Variants in STOX1 observed in about 807,000 individuals in gnomAD.
STOX1 encodes storkhead-box protein 1.
In STOX1, 57 loss-of-function variants were observed where a neutral mutation model predicts 74.8. The observed-to-expected ratio is 0.76, with a 90% confidence interval of 0.62 to 0.95. The LOEUF (loss-of-function observed/expected upper bound fraction) is 0.95. STOX1 is among the 40% of genes least tolerant of loss of function. The probability of loss-of-function intolerance (pLI) is 0.00; values close to 1 mark genes in which losing one functional copy is unlikely to be tolerated. For missense variants in STOX1, 1,010 were observed against 1,117.0 expected, an observed-to-expected ratio of 0.90 and a Z score of 1.37; for synonymous variants, 375 against 401.3, an observed-to-expected ratio of 0.93 and a Z score of 0.78.
chr10:68,885,040 G>T lies in STOX1; in HGVS notation c.1244G>T (p.Arg415Met). The T allele has an allele frequency of 6.2e-7, 1 of 1,614,124 alleles. No homozygotes were observed. The highest frequency in any genetic ancestry group is 8.5e-7 in the Non-Finnish European group (1 of 1,180,020). Residue 415 changes from arginine (R) to methionine (M), a missense_variant, in exon 3 of 4, where the codon AGG (arginine) becomes ATG (methionine). Coordinates refer to ENST00000298596, the MANE Select transcript of STOX1 (RefSeq NM_152709.5). The part of the protein sequence containing the change: ...KYPSKEGVKK[R>M]QGLSAKPQGQ... ...CCTTCAAAAGAGGGGGTTAAGAAAAGGCAGGGTCTGTCTGCAAAACCTCAA... is the reference window on the plus strand; with the variant it reads ...CCTTCAAAAGAGGGGGTTAAGAAAATGCAGGGTCTGTCTGCAAAACCTCAA...
intron 1 of STOX1, among the ~76,000 whole-genome samples, chr10:68,850,095 A>G (rs1265500952): frequency 6.6e-6 from 1 of 152,010 alleles, no homozygotes; most frequent in African/African-American, 2.4e-5. Context: ...GCTCACTACA[A>G]CCTCCACCTC....
chr10:68,834,532 A>G (rs1329390747), intron 1 of STOX1, among the ~76,000 whole-genome samples: 1 of 152,202 alleles, frequency 6.6e-6, no homozygotes, highest in Non-Finnish European at 1.5e-5. Flanking sequence ...GGAATTTTGT[A>G]GGTGAAATTT....
intron 1 of STOX1, among the ~76,000 whole-genome samples, chr10:68,879,181 C>T (rs1160885733): frequency 9.9e-5 from 15 of 152,160 alleles, no homozygotes; most frequent in Admixed American, 4.6e-4. Flanking sequence ...CATAAATCAC[C>T]TGGACTTAGG....
chr10:68,888,257 C>T (rs1345996112), intron 3 of STOX1, among the ~76,000 whole-genome samples: 4 of 152,026 alleles, frequency 2.6e-5, no homozygotes, highest in Middle Eastern at 3.4e-3. Context: ...CCCGCCACCA[C>T]GCCTGACTAA....
chr10:68,877,083 G>A (rs1292584373), intron 1 of STOX1, among the ~76,000 whole-genome samples: 1 of 152,200 alleles, frequency 6.6e-6, no homozygotes, highest in Non-Finnish European at 1.5e-5. Flanking sequence ...AGCAACGACT[G>A]TGAAGGAACT....
At chr10:68,829,614 G>T (rs367649006) in intron 1 of STOX1, among the ~76,000 whole-genome samples, 2 of 152,102 alleles carry the variant, frequency 1.3e-5, no homozygotes, top group African/African-American at 4.8e-5. Context: ...CTGACCCACC[G>T]ATAACTGTAT....
intron 1 of STOX1, among the ~76,000 whole-genome samples, chr10:68,859,172 T>A (rs1436574230): frequency 6.6e-6 from 1 of 152,150 alleles, no homozygotes; most frequent in Non-Finnish European, 1.5e-5. Context: ...TGTATTGATG[T>A]TAACAGTGAT....
At chr10:68,856,209 C>T (rs753925957) in intron 1 of STOX1, among the ~76,000 whole-genome samples, 3 of 152,050 alleles carry the variant, frequency 2.0e-5, no homozygotes, top group Non-Finnish European at 4.4e-5. Context: ...TGCACCTGGA[C>T]CAAAGCTGTT....
chr10:68,881,840 G>T, intron 1 of STOX1, 118 bp from the exon 2 acceptor site: 2 of 1,139,884 alleles, frequency 1.8e-6, no homozygotes, highest in Non-Finnish European at 2.6e-6. Flanking sequence ...AGTAAAGACT[G>T]ATGAAAGAAT....
At chr10:68,854,428 C>T (rs1840070546) in intron 1 of STOX1, among the ~76,000 whole-genome samples, 1 of 151,980 alleles carries the variant, frequency 6.6e-6, no homozygotes, top group South Asian at 2.1e-4. Context: ...TCCCGAGTAG[C>T]TGGGACTACA....
chr10:68,857,186 TCCCTACCCCAG>T, intron 1 of STOX1, among the ~76,000 whole-genome samples: 1 of 152,192 alleles, frequency 6.6e-6, no homozygotes, highest in South Asian at 2.1e-4. Flanking sequence ...ACATAGGCAC[TCCCTACCCCAG>T]GGCTTACCCC....
chr10:68,857,249 G>C (rs1307747067), intron 1 of STOX1, among the ~76,000 whole-genome samples: 1 of 147,348 alleles, frequency 6.8e-6, no homozygotes, highest in African/African-American at 2.7e-5. Flanking sequence ...CAGCCGTAGT[G>C]GTCAGACACT....
chr10:68,881,213 G>T (rs1241138465), intron 1 of STOX1, among the ~76,000 whole-genome samples: 1 of 152,140 alleles, frequency 6.6e-6, no homozygotes, highest in Non-Finnish European at 1.5e-5. Flanking sequence ...GTAATGGCAG[G>T]TTAAGAAGAA....
intron 1 of STOX1, among the ~76,000 whole-genome samples, chr10:68,835,879 G>T (rs1329110318): frequency 6.6e-6 from 1 of 151,970 alleles, no homozygotes; most frequent in Admixed American, 6.6e-5. Flanking sequence ...GAGCTCAATT[G>T]TTTTTTTCTT....
chr10:68,847,824 T>G (rs1163174), intron 1 of STOX1, among the ~76,000 whole-genome samples: 1 of 151,526 alleles, frequency 6.6e-6, no homozygotes, highest in African/African-American at 2.4e-5. Flanking sequence ...CTCCACCTCC[T>G]GGGTTTAAGC....
chr10:68,882,899 T>A (rs1840845481), intron 2 of STOX1, among the ~76,000 whole-genome samples: 1 of 152,162 alleles, frequency 6.6e-6, no homozygotes, highest in South Asian at 2.1e-4. Context: ...TATGTCTCAT[T>A]CTTTATTTTA....
intron 1 of STOX1, among the ~76,000 whole-genome samples, chr10:68,862,658 A>T (rs1840289822): frequency 6.6e-6 from 1 of 151,636 alleles, no homozygotes. Context: ...GATAATAGGA[A>T]CTCTTGCCGT....
intron 1 of STOX1, among the ~76,000 whole-genome samples, chr10:68,851,129 A>G (rs1839973050): frequency 6.6e-6 from 1 of 151,806 alleles, no homozygotes; most frequent in African/African-American, 2.4e-5. Flanking sequence ...CAACATAGGG[A>G]GGAGCCTATC....
chr10:68,838,725 A>G (rs945082686), intron 1 of STOX1, among the ~76,000 whole-genome samples: 4 of 152,098 alleles, frequency 2.6e-5, no homozygotes, highest in African/African-American at 9.7e-5. Flanking sequence ...CCTGGCTAAC[A>G]TGGTGAAACC....
Sources: gnomAD v4.1 joint callset for allele counts (sites outside exome capture counted in the v4.1 genomes callset) on GRCh38, gnomAD v4.1.1 for gene constraint, MANE v1.5 for transcripts, NCBI Gene and HGNC (gene_info 2026-07-23, HGNC 2026-07-21) for gene names.